Variants in PCDHGA7 observed in about 807,000 individuals in gnomAD.
PCDHGA7 encodes the protein protocadherin gamma subfamily A, 7.
A neutral mutation model predicts 58.3 loss-of-function variants in PCDHGA7; 44 were observed. That is an observed-to-expected ratio of 0.75 (90% CI 0.59 to 0.97). PCDHGA7 has a LOEUF of 0.97. Ranked by LOEUF, PCDHGA7 falls within the 50% of genes least tolerant of loss-of-function variation. PCDHGA7 has a pLI of 0.00. For synonymous variants in PCDHGA7, 516 were observed against 504.2 expected, an observed-to-expected ratio of 1.02 and a Z score of -0.31; for missense variants, 1,266 against 1,188.7, an observed-to-expected ratio of 1.06 and a Z score of -0.96.
rs747722740 is a variant in PCDHGA7, at chr5:141,485,835, C to G, written c.2425-8972C>G. 3 of 1,614,190 alleles carry G rather than the reference C, an allele frequency of 1.9e-6. No homozygotes were observed. In the South Asian group the frequency reaches 3.3e-5, roughly 18 times the overall value. On this transcript the variant is annotated intron_variant, in intron 1 of 3. Transcript: ENST00000518325. This position sits in a 1 kb window ranked among gnomAD's most constrained non-coding sequence, Gnocchi z 5.7. ...ACTGCTGTCGATGGAGGGAACCCGC[C>G]GAGATCTGGCACCGCAGAGCTCCGG...
intron 1 of PCDHGA7, among the ~76,000 whole-genome samples, chr5:141,464,442 G>A (rs890758574): frequency 3.3e-5 from 5 of 151,500 alleles, no homozygotes; most frequent in African/African-American, 1.2e-4. Flanking sequence ...TATGTTTGTT[G>A]TTGTTGTTGT....
At position 141,389,882 on chromosome 5, in the gene PCDHGA7, G is replaced by T. The variant is rs761230157; in HGVS notation, c.2424+4559G>T. On this transcript the variant is annotated intron_variant, in intron 1 of 3. Transcript: ENST00000518325. ...TGCACCTGGTCTTCGCCGACAGCTT[G>T]CAGGAGGTGCTGCCGGATATCACTG... 1.1e-5 allele frequency: 18 copies of T among 1,614,082 alleles called. No homozygotes were observed. The South Asian group carries it at 1.9e-4, about 17-fold the overall frequency.
chr5:141,388,480 C>T (rs751470350), intron 1 of PCDHGA7: 3 of 1,613,758 alleles, frequency 1.9e-6, no homozygotes, highest in Non-Finnish European at 2.5e-6. Flanking sequence ...TTGAAGACAC[C>T]TTTGGACAGA....
intron 1 of PCDHGA7, chr5:141,421,419 A>T (rs778839137): frequency 1.2e-6 from 2 of 1,614,072 alleles, no homozygotes; most frequent in Non-Finnish European, 1.7e-6. Context: ...CGAAGCGCGG[A>T]GTCCGCATCG....
At chr5:141,457,550 A>G (rs1331411755) in intron 1 of PCDHGA7, among the ~76,000 whole-genome samples, 1 of 152,230 alleles carries the variant, frequency 6.6e-6, no homozygotes, top group Non-Finnish European at 1.5e-5. Flanking sequence ...CAAATGTATG[A>G]TAAGCTTTGG....
Position 141,477,650 on chromosome 5 carries a change from A to C in PCDHGA7, c.2425-17157A>C. The C allele has an allele frequency of 6.2e-7, 1 of 1,614,210 alleles. No homozygotes were observed. Among genetic ancestry groups the C allele is most frequent in the Non-Finnish European group, 8.5e-7 (1 of 1,180,036 alleles). On this transcript the variant is annotated intron_variant, in intron 1 of 3. Coordinates refer to ENST00000518325, the MANE Select transcript of PCDHGA7 (RefSeq NM_018920.4). The surrounding 1 kb of genome is among the most constrained non-coding windows in gnomAD (Gnocchi z 4.9). The stretch of plus-strand genomic sequence containing the variant: ...CGGGCTAGTGGGTCGCTATTTCACA[A>C]TAAATCGTGACAATGGCATAGTGTC...
intron 1 of PCDHGA7, among the ~76,000 whole-genome samples, chr5:141,469,088 G>A (rs1388316490): frequency 6.6e-6 from 1 of 151,604 alleles, no homozygotes; most frequent in Non-Finnish European, 1.5e-5. Context: ...ACCATTCTAG[G>A]CAACAAAGCA....
intron 1 of PCDHGA7, chr5:141,424,481 G>A (rs1397559058): frequency 6.6e-6 from 1 of 152,056 alleles, no homozygotes; most frequent in Non-Finnish European, 1.5e-5. Flanking sequence ...TTACTTTGGT[G>A]TCTGTGTTTG....
chr5:141,420,911 T>C (rs948220220), intron 1 of PCDHGA7: 6 of 313,968 alleles, frequency 1.9e-5, no homozygotes, highest in Admixed American at 1.8e-4. Flanking sequence ...CAAATACGTG[T>C]GATTCACAAA....
chr5:141,387,810 A>G (rs2091099710), intron 1 of PCDHGA7: 1 of 1,525,916 alleles, frequency 6.6e-7, no homozygotes. Context: ...TCGGAGATCC[A>G]AAAATCTGCA....
chr5:141,383,470 T>G lies in PCDHGA7; in HGVS notation c.571T>G (p.Tyr191Asp), dbSNP rs1779162782. 6.2e-7 allele frequency: 1 copy of G among 1,613,710 alleles called. No homozygotes were observed. Among genetic ancestry groups the G allele is most frequent in the Non-Finnish European group, 8.5e-7 (1 of 1,179,766 alleles). ...GCAAAGTGGAGACGATGAAACTAAG[T>G]ACCCGGAACTGGTGCTGGAGCGGGT... is the stretch of plus-strand genomic sequence containing the variant. Reference protein sequence around the residue: ...AVQSGDDETKYPELVLERVLD... With the variant: ...AVQSGDDETKDPELVLERVLD... Residue 191 changes from tyrosine (Y) to aspartate (D), a missense_variant, in exon 1 of 4, where the codon TAC becomes GAC. Tyr to Asp is a radical substitution (Grantham distance 160). Coordinates refer to ENST00000518325, the MANE Select transcript of PCDHGA7 (RefSeq NM_018920.4).
rs1340147578 is a variant in PCDHGA7, at chr5:141,487,141, T to C, written c.2425-7666T>C. On this transcript the variant is annotated intron_variant, in intron 1 of 3. Transcript: ENST00000518325. This position sits in a 1 kb window ranked among gnomAD's most constrained non-coding sequence, Gnocchi z 5.0. ...AGGATAGTGGTAGTCCACCACTCTCTACCTCTGTTACTCTCTTAGTGTCCT... is the reference window on the plus strand; with the variant it reads ...AGGATAGTGGTAGTCCACCACTCTCCACCTCTGTTACTCTCTTAGTGTCCT... The C allele has an allele frequency of 1.2e-6, 2 of 1,613,882 alleles. No individual in the cohort carries two copies. Among genetic ancestry groups the C allele is most frequent in the African/African-American group, 2.7e-5 (2 of 74,934 alleles).
In PCDHGA7 at chr5:141,431,628, A is replaced by C. The variant is rs1204083567; in HGVS notation, c.2424+46305A>C. Reference sequence around the variant, plus strand: ...CGGTATGTGGACGACAAGGCGGCCCAAGTTTTCAAACTAGATTGTAATTCA... The same window carrying C: ...CGGTATGTGGACGACAAGGCGGCCCCAGTTTTCAAACTAGATTGTAATTCA... On this transcript the variant is annotated intron_variant, in intron 1 of 3. Coordinates refer to ENST00000518325, the MANE Select transcript of PCDHGA7 (RefSeq NM_018920.4). The surrounding 1 kb of genome is among the most constrained non-coding windows in gnomAD (Gnocchi z 4.8). 1 of 1,614,256 alleles carries C rather than the reference A, an allele frequency of 6.2e-7. No individual in the cohort carries two copies. The highest frequency in any genetic ancestry group is 8.5e-7 in the Non-Finnish European group (1 of 1,180,050).
chr5:141,389,215 A>G (rs2150378532), intron 1 of PCDHGA7: 1 of 1,614,010 alleles, frequency 6.2e-7, no homozygotes, highest in Non-Finnish European at 8.5e-7. Flanking sequence ...GGTGATGTAA[A>G]TGACAACGCT....
intron 1 of PCDHGA7, among the ~76,000 whole-genome samples, chr5:141,454,731 G>T (rs1249851832): frequency 6.7e-6 from 1 of 150,262 alleles, no homozygotes; most frequent in Non-Finnish European, 1.5e-5. Context: ...ATATGTTATA[G>T]GATGAAAAGA....
chr5:141,495,721 G>A (rs2099763243), intron 2 of PCDHGA7, among the ~76,000 whole-genome samples: 1 of 152,100 alleles, frequency 6.6e-6, no homozygotes, highest in Non-Finnish European at 1.5e-5. Context: ...TAACTACACG[G>A]GACCCTTAGT....
chr5:141,399,570 C>T (rs1297172097), intron 1 of PCDHGA7: 1 of 1,614,044 alleles, frequency 6.2e-7, no homozygotes, highest in Non-Finnish European at 8.5e-7. Context: ...GGTTGAACGG[C>T]CAAGTCTCCT....
At position 141,384,244 on chromosome 5, in the gene PCDHGA7, C is replaced by A. The variant is rs768651416; in HGVS notation, c.1345C>A (p.Pro449Thr). 20 of 1,613,710 alleles carry A rather than the reference C, an allele frequency of 1.2e-5. No individual in the cohort carries two copies. Among genetic ancestry groups the A allele is most frequent in the Non-Finnish European group, 1.7e-5 (20 of 1,179,880 alleles). Residue 449 changes from proline (P) to threonine (T), a missense_variant, in exon 1 of 4, where the codon CCA becomes ACA. Pro to Thr is a conservative substitution (Grantham distance 38, BLOSUM62 -1). Coordinates refer to ENST00000518325, the MANE Select transcript of PCDHGA7 (RefSeq NM_018920.4). ...FMQVADTNDNPPTFPHSSYSV... is the reference protein window; with the variant it reads ...FMQVADTNDNTPTFPHSSYSV... Reference sequence around the variant, plus strand: ...GCAGGTGGCAGACACCAACGATAACCCACCCACCTTCCCCCACTCATCCTA... The same window carrying A: ...GCAGGTGGCAGACACCAACGATAACACACCCACCTTCCCCCACTCATCCTA...
Position 141,483,648 on chromosome 5 carries a change from T to TTGTG in PCDHGA7, c.2425-11141_2425-11138dup, listed in dbSNP as rs111458813. ...GGAGAAGGTATAGAGGGGTGTGTGTTTGTGTGTGTGTGTGTGTGTGTAAAA... is the reference window on the plus strand; with the variant it reads ...GGAGAAGGTATAGAGGGGTGTGTGTTTGTGTGTGTGTGTGTGTGTGTGTGTAAAA... On this transcript the variant is annotated intron_variant, in intron 1 of 3. Coordinates refer to ENST00000518325, the MANE Select transcript of PCDHGA7 (RefSeq NM_018920.4). Among the ~76,000 whole-genome samples, 501 of 149,686 alleles carry TTGTG rather than the reference T, an allele frequency of 3.3e-3. 2 individuals are homozygous for TTGTG. Among genetic ancestry groups the TTGTG allele is most frequent in the African/African-American group, 7.3e-3 (297 of 40,842 alleles).
Sources: gnomAD v4.1 joint callset for allele counts (sites outside exome capture counted in the v4.1 genomes callset) on GRCh38, gnomAD v4.1.1 for gene constraint, Gnocchi (gnomAD v3.1) non-coding constraint, MANE v1.5 for transcripts, NCBI Gene and HGNC (gene_info 2026-07-23, HGNC 2026-07-21) for gene names.